The following ROBO2 variants were observed in gnomAD, a reference collection of about 807,000 sequenced individuals.
ROBO2 encodes roundabout guidance receptor 2, also known as roundabout homolog 2.
In ROBO2, 53 loss-of-function variants were observed where a neutral mutation model predicts 160.8. That is an observed-to-expected ratio of 0.33 (90% CI 0.26 to 0.41). The LOEUF is 0.41. Ranked by LOEUF, ROBO2 falls within the 10% of genes least tolerant of loss-of-function variation. The probability of loss-of-function intolerance (pLI) is 1.00; values close to 1 mark genes in which losing one functional copy is unlikely to be tolerated. For synonymous variants in ROBO2, 664 were observed against 611.7 expected (o/e 1.09, Z -1.26); for missense variants, 1,577 against 1,722.4 (o/e 0.92, Z 1.49).
At chr3:76,947,469 A>G (rs57861026) in intron 2 of ROBO2, among the ~76,000 whole-genome samples, 9,037 of 152,236 alleles carry the variant, frequency 0.059, 310 homozygotes, top group South Asian at 0.12. Context: ...ACATGTCATC[A>G]TTTAAAATTA....
chr3:77,573,741 C>T (rs560403374), intron 13 of ROBO2, among the ~76,000 whole-genome samples: 4 of 152,090 alleles, frequency 2.6e-5, no homozygotes, highest in East Asian at 1.9e-4. Flanking sequence ...TAAGCACTTA[C>T]GAATTCTTCA....
chr3:77,469,529 G>T (rs573991326), intron 2 of ROBO2, among the ~76,000 whole-genome samples: 93 of 152,248 alleles, frequency 6.1e-4, no homozygotes, highest in African/African-American at 2.2e-3. Flanking sequence ...AGTTTTATGA[G>T]TGACCATCAT....
intron 2 of ROBO2, among the ~76,000 whole-genome samples, chr3:76,973,567 T>C (rs1387569890): frequency 6.6e-6 from 1 of 152,154 alleles, no homozygotes; most frequent in Non-Finnish European, 1.5e-5. Context: ...TATACCTTAT[T>C]ATCAATAGCA....
intron 2 of ROBO2, among the ~76,000 whole-genome samples, chr3:76,039,699 A>C (rs1338094444): frequency 6.6e-6 from 1 of 152,054 alleles, no homozygotes; most frequent in Non-Finnish European, 1.5e-5. Flanking sequence ...GTGAATCTAT[A>C]ATAATAAGCA....
At chr3:76,185,935 G>T (rs1029269360) in intron 2 of ROBO2, among the ~76,000 whole-genome samples, 3 of 49,790 alleles carry the variant, frequency 6.0e-5, no homozygotes, top group Non-Finnish European at 1.6e-4. Flanking sequence ...AGGAAACACA[G>T]ATTTTTTTTT....
At chr3:77,166,511 C>G (rs2079089573) in intron 2 of ROBO2, among the ~76,000 whole-genome samples, 1 of 152,058 alleles carries the variant, frequency 6.6e-6, no homozygotes, top group Non-Finnish European at 1.5e-5. Context: ...AGTTTGAAAA[C>G]TTTTTCCAGC....
chr3:76,066,978 C>A (rs951927389), intron 2 of ROBO2, among the ~76,000 whole-genome samples: 3 of 152,100 alleles, frequency 2.0e-5, no homozygotes, highest in African/African-American at 7.2e-5. Flanking sequence ...AATGTGAATT[C>A]TTGATTAGCT....
chr3:77,501,803 T>C (rs2087659916), intron 5 of ROBO2, among the ~76,000 whole-genome samples: 1 of 152,190 alleles, frequency 6.6e-6, no homozygotes, highest in Non-Finnish European at 1.5e-5. Context: ...AACTACATTT[T>C]ATGTATAGAA....
At chr3:77,260,549 A>G (rs2058709045) in intron 2 of ROBO2, among the ~76,000 whole-genome samples, 2 of 152,142 alleles carry the variant, frequency 1.3e-5, no homozygotes, top group Non-Finnish European at 2.9e-5. Flanking sequence ...CATGGTTTTG[A>G]ATTGTGAGGA....
At chr3:76,445,730 T>G (rs540223930) in intron 2 of ROBO2, among the ~76,000 whole-genome samples, 85 of 152,206 alleles carry the variant, frequency 5.6e-4, no homozygotes, top group African/African-American at 1.9e-3. Context: ...CAAGGCTGGT[T>G]CAACATACGA....
At chr3:76,906,281 C>A (rs1011523917) in intron 2 of ROBO2, among the ~76,000 whole-genome samples, 12 of 151,460 alleles carry the variant, frequency 7.9e-5, no homozygotes, top group African/African-American at 2.9e-4. Flanking sequence ...GTTTTATAAC[C>A]AAATACGCAT....
Position 76,728,784 on chromosome 3 carries a change from C to G in ROBO2, c.110-369230C>G, listed in dbSNP as rs113057812. Among the ~76,000 whole-genome samples the G allele has an allele frequency of 7.2e-3, 1,099 of 152,294 alleles. 13 individuals carry two copies. Among genetic ancestry groups the G allele is most frequent in the African/African-American group, 0.024 (980 of 41,568 alleles). ...AATTCGACAGTAAAATATGCTTATA[C>G]AAAAATCTATCATTTACTGCTAAAA... On this transcript the variant is annotated intron_variant, in intron 2 of 26. Coordinates refer to the ROBO2 transcript ENST00000487694.
At chr3:76,824,247 A>G (rs1419335741) in intron 2 of ROBO2, among the ~76,000 whole-genome samples, 4 of 152,170 alleles carry the variant, frequency 2.6e-5, no homozygotes, top group Admixed American at 1.3e-4. Context: ...GTGGCCATAC[A>G]TAACTGCAGG....
chr3:76,212,707 T>G (rs1703223524), intron 2 of ROBO2, among the ~76,000 whole-genome samples: 2 of 152,106 alleles, frequency 1.3e-5, no homozygotes, highest in African/African-American at 2.4e-5. Context: ...GTCAGATTTC[T>G]GCTGCGTAAG....
chr3:77,592,848 G>T lies in ROBO2; in HGVS notation c.2684-2294G>T, dbSNP rs560247981. ...ATTACAGGCGTGAGCCACCATGCCC[G>T]GCCTCATGATATATTTTTTATAGGG... On this transcript the variant is annotated intron_variant, in intron 17 of 25. Coordinates refer to ENST00000461745, the Ensembl canonical transcript of ROBO2. Among the ~76,000 whole-genome samples the T allele has an allele frequency of 7.2e-5, 11 of 152,052 alleles. 1 individual carries two copies. Among genetic ancestry groups the T allele is most frequent in the Admixed American group, 4.6e-4 (7 of 15,266 alleles).
intron 2 of ROBO2, among the ~76,000 whole-genome samples, chr3:76,495,967 T>C (rs965477141): frequency 4.6e-5 from 7 of 152,246 alleles, no homozygotes; most frequent in Non-Finnish European, 8.8e-5. Flanking sequence ...CATATTGTAC[T>C]TCTTGAGGTC....
intron 2 of ROBO2, among the ~76,000 whole-genome samples, chr3:77,449,136 G>T (rs1263077733): frequency 1.3e-5 from 2 of 151,942 alleles, no homozygotes; most frequent in African/African-American, 2.4e-5. Flanking sequence ...CATGGAATTA[G>T]TTTGTTCTTT....
At chr3:76,568,357 G>A (rs2108570887) in intron 2 of ROBO2, among the ~76,000 whole-genome samples, 1 of 152,088 alleles carries the variant, frequency 6.6e-6, no homozygotes, top group Non-Finnish European at 1.5e-5. Flanking sequence ...GAGTGCAGTG[G>A]TGCGATCTCG....
In ROBO2 at chr3:76,758,139, AT is replaced by A. The variant is rs747604412; in HGVS notation, c.110-339873del. Among the ~76,000 whole-genome samples the A allele has an allele frequency of 2.0e-4, 31 of 152,004 alleles. No individual in the cohort carries two copies. The South Asian group carries it at 2.3e-3, about 11-fold the overall frequency. ...GATACAAAAGCAAAAAATAGCTTAA[AT>A]TATCTGTTGTGAAAGCATCTAAAAC... On this transcript the variant is annotated intron_variant, in intron 2 of 26. Coordinates refer to the ROBO2 transcript ENST00000487694.
Sources: allele counts gnomAD v4.1 joint callset (sites outside exome capture counted in the v4.1 genomes callset), GRCh38; gene constraint gnomAD v4.1.1; transcripts MANE v1.5; gene names NCBI Gene and HGNC (gene_info 2026-07-23, HGNC 2026-07-21).